Variants in ANKRD30BL observed in about 807,000 individuals in gnomAD.
ANKRD30BL encodes putative ankyrin repeat domain-containing protein 30B-like.
ANKRD30BL carries 20 observed loss-of-function variants against 18.4 expected under a neutral mutation model. The observed-to-expected ratio is 1.09, with a 90% CI of 0.77 to 1.58. The LOEUF is 1.58. ANKRD30BL is among the 40% of genes most tolerant of loss of function. The probability of loss-of-function intolerance (pLI) is 0.00; values close to 1 mark genes in which losing one functional copy is unlikely to be tolerated. For missense variants in ANKRD30BL, 224 were observed against 268.6 expected (o/e 0.83, Z 1.16); for synonymous variants, 72 against 100.9 (o/e 0.71, Z 1.72).
At chr2:132,201,311 G>C (rs59249378) in intron 1 of ANKRD30BL, among the ~76,000 whole-genome samples, 5 of 151,708 alleles carry the variant, frequency 3.3e-5, no homozygotes, top group Non-Finnish European at 7.4e-5. Context: ...TAATTAAACT[G>C]AAGAGCTTCT....
chr2:132,236,684 AAACTAGTTC>A (rs894799503), intron 1 of ANKRD30BL, among the ~76,000 whole-genome samples: 3 of 152,172 alleles, frequency 2.0e-5, no homozygotes, highest in African/African-American at 7.2e-5. Flanking sequence ...GTGGGACTGT[AAACTAGTTC>A]AACCATTAGG....
At chr2:132,231,136 T>C (rs577264098) in intron 1 of ANKRD30BL, among the ~76,000 whole-genome samples, 8 of 152,092 alleles carry the variant, frequency 5.3e-5, no homozygotes, top group East Asian at 1.9e-4. Flanking sequence ...TTGAGGCCTA[T>C]GGTGGAAAAG....
chr2:132,234,724 C>A (rs1186256237), intron 1 of ANKRD30BL, among the ~76,000 whole-genome samples: 5 of 152,022 alleles, frequency 3.3e-5, no homozygotes, highest in African/African-American at 7.2e-5. Context: ...AGTCCAGGAC[C>A]AGATGGATTC....
At chr2:132,228,465 T>A (rs1234433268) in intron 1 of ANKRD30BL, among the ~76,000 whole-genome samples, 1 of 151,496 alleles carries the variant, frequency 6.6e-6, no homozygotes, top group Non-Finnish European at 1.5e-5. Context: ...TCTGAGAAAC[T>A]TCTTTGTGAT....
intron 1 of ANKRD30BL, among the ~76,000 whole-genome samples, chr2:132,210,865 G>C (rs200102104): frequency 6.6e-6 from 1 of 151,486 alleles, no homozygotes; most frequent in Admixed American, 6.6e-5. Flanking sequence ...GGGGCCTATG[G>C]TGGAAAGGGA....
chr2:132,240,181 G>A (rs1573880645), intron 1 of ANKRD30BL, among the ~76,000 whole-genome samples: 1 of 151,916 alleles, frequency 6.6e-6, no homozygotes, highest in Non-Finnish European at 1.5e-5. Flanking sequence ...AGCATTCTCA[G>A]AAACTACTTT....
At chr2:132,221,506 C>A (rs1180968792) in intron 1 of ANKRD30BL, among the ~76,000 whole-genome samples, 1 of 104,746 alleles carries the variant, frequency 9.5e-6, no homozygotes, top group Non-Finnish European at 2.0e-5. Context: ...AAGTGAGGAG[C>A]CCCTCTGCCT....
intron 1 of ANKRD30BL, chr2:132,253,214 G>C (rs75946831): frequency 1.5e-5 from 3 of 194,840 alleles, no homozygotes; most frequent in South Asian, 1.4e-4. Context: ...TCGAAGAGTC[G>C]ATGATCAACG....
At chr2:132,152,185 T>A (rs1245030871) in intron 4 of ANKRD30BL, 4 of 152,360 alleles carry the variant, frequency 2.6e-5, no homozygotes, top group Middle Eastern at 3.4e-3. Context: ...TTGCTTTGAC[T>A]CACACCATTT....
intron 1 of ANKRD30BL, among the ~76,000 whole-genome samples, chr2:132,253,835 C>A (rs1680738860): frequency 6.6e-6 from 1 of 152,102 alleles, no homozygotes; most frequent in Admixed American, 6.5e-5. Context: ...GGCCCCCTAC[C>A]CTCGAGACCC....
chr2:132,159,334 G>T lies in ANKRD30BL; in HGVS notation c.219-1911C>A, dbSNP rs531464557. Among the ~76,000 whole-genome samples, 3 of 152,148 alleles carry T rather than the reference G, an allele frequency of 2.0e-5. No individual in the cohort carries two copies. In the East Asian group the frequency reaches 5.8e-4, roughly 29 times the overall value. On this transcript the variant is annotated intron_variant, in intron 1 of 5. Coordinates refer to ENST00000409867, the MANE Select transcript of ANKRD30BL (RefSeq NM_001358416.1). The stretch of plus-strand genomic sequence containing the variant: ...ATAATATGGTACTTACCACCAAATT[G>T]TCTATTTGAAAAGTTATCTGCAACT...
chr2:132,187,894 G>A (rs1238264141), intron 1 of ANKRD30BL, among the ~76,000 whole-genome samples: 1 of 151,966 alleles, frequency 6.6e-6, no homozygotes, highest in Non-Finnish European at 1.5e-5. Flanking sequence ...AAGTAGCTGG[G>A]ATTACAGGCA....
chr2:132,231,890 A>C (rs1281546999), intron 1 of ANKRD30BL, among the ~76,000 whole-genome samples: 1 of 152,230 alleles, frequency 6.6e-6, no homozygotes, highest in Non-Finnish European at 1.5e-5. Context: ...GGGGAAGGGC[A>C]CAGACAAACA....
In ANKRD30BL at chr2:132,175,466, G is replaced by A. The variant is rs192720945; in HGVS notation, n.442-18320C>T. On this transcript the variant is annotated intron_variant and non_coding_transcript_variant, in intron 1 of 4. Transcript: ENST00000470729. ...GTGGTTTTTCTCCTATCTCAGAATT[G>A]AACAAATGTAAAATCGGGTATTATA... 3.2e-4 allele frequency among the ~76,000 whole-genome samples: 49 copies of A among 152,304 alleles called. 1 individual carries two copies. The East Asian group carries it at 8.9e-3, about 28-fold the overall frequency.
intron 1 of ANKRD30BL, among the ~76,000 whole-genome samples, chr2:132,199,516 A>C (rs970658311): frequency 8.8e-5 from 13 of 147,144 alleles, no homozygotes; most frequent in Non-Finnish European, 1.8e-4. Context: ...TTTTTTTTTT[A>C]TTTTTTGTTT....
chr2:132,201,117 T>C (rs1041444976), intron 1 of ANKRD30BL, among the ~76,000 whole-genome samples: 1 of 152,078 alleles, frequency 6.6e-6, no homozygotes, highest in Non-Finnish European at 1.5e-5. Context: ...ACTGGATCCC[T>C]TCCTTACACC....
intron 1 of ANKRD30BL, among the ~76,000 whole-genome samples, chr2:132,197,909 T>C (rs890815057): frequency 6.6e-6 from 1 of 152,012 alleles, no homozygotes; most frequent in Non-Finnish European, 1.5e-5. Context: ...CTGGCCTATG[T>C]ATAAGCTTTT....
chr2:132,199,799 T>G (rs983574244), intron 1 of ANKRD30BL, among the ~76,000 whole-genome samples: 2 of 152,204 alleles, frequency 1.3e-5, no homozygotes, highest in African/African-American at 4.8e-5. Flanking sequence ...AAAGTCATTC[T>G]TTCTGCATTT....
chr2:132,253,594 G>A (rs1156785994), intron 1 of ANKRD30BL, among the ~76,000 whole-genome samples: 12 of 152,152 alleles, frequency 7.9e-5, no homozygotes, highest in Non-Finnish European at 1.6e-4. Flanking sequence ...AGCCCCCACC[G>A]ACATCAGTGG....
Sources: allele counts gnomAD v4.1 joint callset (sites outside exome capture counted in the v4.1 genomes callset), GRCh38; gene constraint gnomAD v4.1.1; transcripts MANE v1.5; gene names NCBI Gene and HGNC (gene_info 2026-07-23, HGNC 2026-07-21).